Variants in PLCG2 observed in about 807,000 individuals in gnomAD.
The protein encoded by PLCG2 is phospholipase C gamma 2, also known as 1-phosphatidylinositol 4,5-bisphosphate phosphodiesterase gamma-2.
A neutral mutation model predicts 175.6 loss-of-function variants in PLCG2; 69 were observed. That is an observed-to-expected ratio of 0.39 (90% confidence interval 0.32 to 0.48). The LOEUF is 0.48. Ranked by LOEUF, PLCG2 falls within the 20% of genes least tolerant of loss-of-function variation. PLCG2 has a pLI of 0.91. For missense variants in PLCG2, 1,798 were observed against 1,650.9 expected, an observed-to-expected ratio of 1.09 and a Z score of -1.54; for synonymous variants, 827 against 624.0, an observed-to-expected ratio of 1.33 and a Z score of -4.85.
In PLCG2 at chr16:81,880,904, T is replaced by A; in HGVS notation, c.649-6T>A. On this transcript the variant is annotated splice_polypyrimidine_tract_variant and splice_region_variant and intron_variant, in intron 7 of 32. Transcript: ENST00000564138. ...TTCTTTTTTTTGTGTGTGCTTTCCATTTCAGATTCTCGATGAATTCAAAAA... is the reference window on the plus strand; with the variant it reads ...TTCTTTTTTTTGTGTGTGCTTTCCAATTCAGATTCTCGATGAATTCAAAAA... 6.2e-7 allele frequency: 1 copy of A among 1,614,010 alleles called. No individual in the cohort carries two copies. Among genetic ancestry groups the A allele is most frequent in the Non-Finnish European group, 8.5e-7 (1 of 1,179,820 alleles).
At chr16:81,774,008 C>A (rs1425721204) in intron 2 of PLCG2, among the ~76,000 whole-genome samples, 1 of 151,638 alleles carries the variant, frequency 6.6e-6, no homozygotes, top group Admixed American at 6.6e-5. Flanking sequence ...TAAATGAGCT[C>A]CACCAGGACT....
chr16:81,871,371 C>G (rs1907505933), intron 7 of PLCG2, among the ~76,000 whole-genome samples: 3 of 152,226 alleles, frequency 2.0e-5, no homozygotes, highest in Admixed American at 1.3e-4. Context: ...TAGAGTCTCA[C>G]TCTGTTGCCC....
intron 7 of PLCG2, among the ~76,000 whole-genome samples, chr16:81,875,270 A>G (rs1484533665): frequency 2.0e-5 from 3 of 151,922 alleles, no homozygotes; most frequent in African/African-American, 7.3e-5. Context: ...AACCTGCTCT[A>G]TGTGTTTTGT....
At chr16:81,787,034 GTTAA>G (rs1209228940) in intron 2 of PLCG2, among the ~76,000 whole-genome samples, 4 of 152,088 alleles carry the variant, frequency 2.6e-5, no homozygotes, top group Non-Finnish European at 5.9e-5. Context: ...ACTTCTTTTT[GTTAA>G]TTAATAATGA....
intron 5 of PLCG2, among the ~76,000 whole-genome samples, chr16:81,859,729 G>T (rs1279642626): frequency 6.6e-6 from 1 of 152,064 alleles, no homozygotes; most frequent in African/African-American, 2.4e-5. Flanking sequence ...GTAGAGACAG[G>T]GTTTCACCAT....
intron 13 of PLCG2, chr16:81,898,482 T>G (rs1908995483): frequency 6.6e-6 from 1 of 152,114 alleles, no homozygotes; most frequent in Non-Finnish European, 1.5e-5. Context: ...TTCCCAGGAG[T>G]GATGAGGCTA....
At position 81,858,343 on chromosome 16, in the gene PLCG2, A is replaced by G; in HGVS notation, c.418A>G (p.Thr140Ala). 6.2e-7 allele frequency: 1 copy of G among 1,613,104 alleles called. No homozygotes were observed. The highest frequency in any genetic ancestry group is 8.5e-7 in the Non-Finnish European group (1 of 1,179,100). The change falls in exon 4 of 33, where the codon ACC (threonine) becomes GCC (alanine). Residue 140 changes from threonine (T) to alanine (A), a missense_variant. Thr to Ala is a moderately conservative substitution (Grantham distance 58, BLOSUM62 0). Coordinates refer to ENST00000564138, the MANE Select transcript of PLCG2 (RefSeq NM_002661.5). Reference protein sequence around the residue: ...HQEAMNASTPTIIESWLRKQI... With the variant: ...HQEAMNASTPAIIESWLRKQI... ...GGAAGCGATGAATGCGTCCACGCCCACCATTATCGAGAGGTAGTTGGCTTT... is the reference window on the plus strand; with the variant it reads ...GGAAGCGATGAATGCGTCCACGCCCGCCATTATCGAGAGGTAGTTGGCTTT...
intron 27 of PLCG2, among the ~76,000 whole-genome samples, chr16:81,936,866 C>G (rs3934957): frequency 0.51 from 77,773 of 152,058 alleles, 20,738 homozygotes; most frequent in Non-Finnish European, 0.59. Context: ...CATCAGTAGC[C>G]TCCTTTACAT....
chr16:81,898,077 G>C (rs1294368375), intron 13 of PLCG2: 1 of 289,208 alleles, frequency 3.5e-6, no homozygotes, highest in Non-Finnish European at 6.9e-6. Flanking sequence ...TGCAGTGGCA[G>C]CTTACACTCT....
At chr16:81,869,344 C>T in intron 6 of PLCG2, 46 bp downstream of exon 6, 1 of 1,335,618 alleles carries the variant, frequency 7.5e-7, no homozygotes, top group Non-Finnish European at 1.1e-6. Flanking sequence ...TGCGGAGTGA[C>T]TTAGCCTCTC....
intron 19 of PLCG2, among the ~76,000 whole-genome samples, chr16:81,914,788 G>T (rs555465029): frequency 6.6e-6 from 1 of 152,236 alleles, no homozygotes; most frequent in South Asian, 2.1e-4. Context: ...GTAGTTGGTG[G>T]TTGGTGAATG....
rs201490178 is a variant in PLCG2 at position 81,900,676 on chromosome 16, G to A, written c.1258G>A (p.Ala420Thr). The A allele has an allele frequency of 1.6e-3, 2,646 of 1,612,992 alleles. 70 individuals carry two copies. The South Asian group carries it at 0.027, about 16-fold the overall frequency. Residue 420 changes from alanine (A) to threonine (T), a missense_variant, in exon 14 of 33, where the codon GCC becomes ACC. Transcript: ENST00000564138. ...SVEQQRHMAKAFKEVFGDLLL... is the reference protein window; with the variant it reads ...SVEQQRHMAKTFKEVFGDLLL... Reference sequence around the variant, plus strand: ...GGAGCAACAGCGTCACATGGCCAAGGCCTTCAAGGAAGTATTTGGCGACCT... The same window carrying A: ...GGAGCAACAGCGTCACATGGCCAAGACCTTCAAGGAAGTATTTGGCGACCT...
chr16:81,934,647 G>C, intron 26 of PLCG2, 116 bp downstream of exon 26: 1 of 701,756 alleles, frequency 1.4e-6, no homozygotes, highest in Non-Finnish European at 2.5e-6. Flanking sequence ...ACTACTCCCA[G>C]TAGATGGCCC....
At chr16:81,902,965 A>G (rs1390233707) in intron 14 of PLCG2, among the ~76,000 whole-genome samples, 2 of 152,206 alleles carry the variant, frequency 1.3e-5, no homozygotes, top group Admixed American at 1.3e-4. Context: ...GCCCGCCCCC[A>G]TGATTCAATT....
At position 81,959,286 on chromosome 16, in the gene PLCG2, C is replaced by T. The variant is rs1290690258; in HGVS notation, c.*1288C>T. 4.5e-6 allele frequency: 1 copy of T among 223,812 alleles called. No individual in the cohort carries two copies. Among genetic ancestry groups the T allele is most frequent in the African/African-American group, 2.2e-5 (1 of 44,748 alleles). The allele number at this position is 223,812 out of a possible 1,614,324, so 13.9% of individuals were successfully genotyped here. On this transcript the variant is annotated 3_prime_UTR_variant, in exon 33 of 33. Coordinates refer to ENST00000564138, the MANE Select transcript of PLCG2 (RefSeq NM_002661.5). ...ACTGGCCCCTAGAAACCCATCTGAC[C>T]CTCCTCTTGTTACCCGAAATGCTGG...
At chr16:81,830,881 T>G (rs766801038) in intron 2 of PLCG2, among the ~76,000 whole-genome samples, 1 of 151,770 alleles carries the variant, frequency 6.6e-6, no homozygotes, top group Non-Finnish European at 1.5e-5. Flanking sequence ...GTGACTAGAA[T>G]GTCCAGGCAG....
chr16:81,747,977 T>C (rs1909736590), intron 1 of PLCG2, among the ~76,000 whole-genome samples: 1 of 152,064 alleles, frequency 6.6e-6, no homozygotes, highest in Admixed American at 6.6e-5. Flanking sequence ...CAGGTTCAAG[T>C]GATTCTCCTG....
chr16:81,762,540 G>C (rs768481717), intron 2 of PLCG2, among the ~76,000 whole-genome samples: 2 of 151,754 alleles, frequency 1.3e-5, no homozygotes. Context: ...CTGCATTCCA[G>C]CCTGGGCAAT....
chr16:81,740,672 T>C (rs1327304284), intron 1 of PLCG2: 1 of 125,488 alleles, frequency 8.0e-6, no homozygotes, highest in Non-Finnish European at 1.6e-5. Flanking sequence ...TTGCACTGAG[T>C]TGAGATAGTG....
Sources: gnomAD v4.1 joint callset for allele counts (sites outside exome capture counted in the v4.1 genomes callset) on GRCh38, gnomAD v4.1.1 for gene constraint, MANE v1.5 for transcripts, NCBI Gene and HGNC (gene_info 2026-07-23, HGNC 2026-07-21) for gene names.